The following ATG4D variants were observed in gnomAD, a reference collection of about 807,000 sequenced individuals.
The protein encoded by ATG4D is cysteine protease ATG4D.
A neutral mutation model predicts 55.2 loss-of-function variants in ATG4D; 51 were observed. The observed-to-expected ratio is 0.92, with a 90% CI of 0.74 to 1.17. The LOEUF (loss-of-function observed/expected upper bound fraction) is 1.17, where lower values mean the gene tolerates loss of function less well. ATG4D is among the 50% of genes most tolerant of loss of function. ATG4D has a pLI of 0.00. For synonymous variants in ATG4D, 268 were observed against 266.2 expected (o/e 1.01, Z -0.07); for missense variants, 635 against 649.6 (o/e 0.98, Z 0.25).
Position 10,545,077 on chromosome 19 carries a change from G to A in ATG4D, c.440G>A (p.Arg147His), listed in dbSNP as rs149332891. Reference sequence around the variant, plus strand: ...GACTGTGGCTGGGGGTGCATGTTACGCAGCGGCCAGATGATGCTGGCACAG... The same window carrying A: ...GACTGTGGCTGGGGGTGCATGTTACACAGCGGCCAGATGATGCTGGCACAG... ...TSDCGWGCML[R>H]SGQMMLAQGL... is the part of the protein sequence containing the mutation. Residue 147 changes from arginine (R) to histidine (H), a missense_variant, in exon 3 of 10, where the codon CGC becomes CAC. Transcript: ENST00000309469. The A allele has an allele frequency of 3.7e-6, 6 of 1,612,860 alleles. No homozygotes were observed. Among genetic ancestry groups the A allele is most frequent in the African/African-American group, 1.3e-5 (1 of 74,944 alleles).
At chr19:10,544,570 G>C in intron 1 of ATG4D, 1 of 1,091,380 alleles carries the variant, frequency 9.2e-7, no homozygotes. Flanking sequence ...TCTGTAAAAT[G>C]GGTACAATAA....
At position 10,552,188 on chromosome 19, in the gene ATG4D, T is replaced by C. The variant is rs374913540; in HGVS notation, c.1123-17T>C. 3 of 1,611,244 alleles carry C rather than the reference T, an allele frequency of 1.9e-6. No homozygotes were observed. The African/African-American group carries it at 4.0e-5, about 22-fold the overall frequency. On this transcript the variant is annotated splice_polypyrimidine_tract_variant and intron_variant, in intron 8 of 9. Transcript: ENST00000309469. The stretch of plus-strand genomic sequence containing the variant: ...GGGCAGCCCAGCCTCTGAGCCTTCC[T>C]CGTCTGTCTGCCCCAGTCCTTCCAC...
Position 10,547,067 on chromosome 19 carries a change from A to G in ATG4D, c.722A>G (p.Lys241Arg). The G allele has an allele frequency of 6.3e-7, 1 of 1,592,464 alleles. No individual in the cohort carries two copies. The highest frequency in any genetic ancestry group is 1.1e-5 in the South Asian group (1 of 88,450). Residue 241 changes from lysine (K) to arginine (R), a missense_variant, in exon 4 of 10, where the codon AAG becomes AGG. Coordinates refer to ENST00000309469, the MANE Select transcript of ATG4D (RefSeq NM_032885.6). Reference sequence around the variant, plus strand: ...GTGGAGCTTGGGCAGAGCTCAGGCAAGAAGGCAGGTGACTGGTATGGGCCA... The same window carrying G: ...GTGGAGCTTGGGCAGAGCTCAGGCAGGAAGGCAGGTGACTGGTATGGGCCA... ...RLVELGQSSGKKAGDWYGPSL... is the reference protein window; with the variant it reads ...RLVELGQSSGRKAGDWYGPSL...
At position 10,553,370 on chromosome 19, in the gene ATG4D, C is replaced by A; in HGVS notation, c.*303C>A. On this transcript the variant is annotated 3_prime_UTR_variant, in exon 10 of 10. Transcript: ENST00000309469. ...CCGGGCCCTCCCTGTCCCAAAGCCC[C>A]CTTGGGGGAACTGTGGCTGCTGGGG... 3.3e-6 allele frequency: 1 copy of A among 306,932 alleles called. No individual in the cohort carries two copies. Among genetic ancestry groups the A allele is most frequent in the East Asian group, 5.6e-5 (1 of 17,940 alleles). 19.0% of individuals were successfully genotyped at this position (306,932 alleles called of 1,614,324 possible).
In ATG4D at chr19:10,552,938, G is replaced by A. The variant is rs148727589; in HGVS notation, c.1296G>A (p.Glu432=). The A allele has an allele frequency of 1.2e-6, 2 of 1,613,662 alleles. No homozygotes were observed. The part of the protein sequence containing the change: ...TERYPMFTLA[E]GHAQDHSLDD... ...GGTACCCCATGTTCACCCTGGCCGA[G>A]GGCCATGCTCAGGACCACAGCCTGG... Residue 432 remains glutamate, a synonymous_variant, in exon 10 of 10, where the codon GAG becomes GAA. Coordinates refer to ENST00000309469, the MANE Select transcript of ATG4D (RefSeq NM_032885.6).
intron 1 of ATG4D, 150 bp from the exon 2 acceptor site, chr19:10,544,633 C>T: frequency 6.9e-7 from 1 of 1,439,654 alleles, no homozygotes; most frequent in South Asian, 1.4e-5. Flanking sequence ...CTGTAGCTGT[C>T]ACTGGGGGCC....
chr19:10,548,003 A>ATTTTT (rs60924749), intron 5 of ATG4D, among the ~76,000 whole-genome samples: 3 of 35,000 alleles, frequency 8.6e-5, no homozygotes, highest in African/African-American at 1.1e-4. Context: ...AGCCCCTGTA[A>ATTTTT]TTTTTTTTTT....
chr19:10,545,583 T>TA (rs917200347), intron 3 of ATG4D, among the ~76,000 whole-genome samples: 1 of 129,736 alleles, frequency 7.7e-6, no homozygotes, highest in Admixed American at 8.1e-5. Context: ...AAAATAAAAA[T>TA]AAAAAAAAGT....
Position 10,544,787 on chromosome 19 carries a change from G to C in ATG4D, c.240G>C (p.Trp80Cys). ...GCTGCCCCTACGTCTCCCCAGGTTG[G>C]GTGGTTAAAAGCCGGACCAGCTTTA... ...LTAWNNVKYG[W>C]VVKSRTSFSK... is the part of the protein sequence containing the mutation. The change falls in exon 2 of 10, where the codon TGG becomes TGC. Residue 80 changes from tryptophan (W) to cysteine (C), a missense_variant. Coordinates refer to ENST00000309469, the MANE Select transcript of ATG4D (RefSeq NM_032885.6). 6.2e-7 allele frequency: 1 copy of C among 1,614,078 alleles called. No homozygotes were observed. Among genetic ancestry groups the C allele is most frequent in the Non-Finnish European group, 8.5e-7 (1 of 1,180,020 alleles).
Position 10,553,304 on chromosome 19 carries a change from C to A in ATG4D, c.*237C>A, listed in dbSNP as rs891178440. 2 of 520,614 alleles carry A rather than the reference C, an allele frequency of 3.8e-6. No individual in the cohort carries two copies. Among genetic ancestry groups the A allele is most frequent in the Admixed American group, 6.4e-5 (2 of 31,446 alleles). 32.2% of individuals were successfully genotyped at this position (520,614 alleles called of 1,614,324 possible). A position where few individuals can be genotyped will look rare whatever the true frequency, so the allele number is the denominator to read the frequency against. On this transcript the variant is annotated 3_prime_UTR_variant, in exon 10 of 10. Transcript: ENST00000309469. ...AGGGAAGGAGGACCCCGGGCACCCC[C>A]CTCAGGGCCTGACTCACGTACTGTA...
Position 10,549,019 on chromosome 19 carries a change from T to G in ATG4D, c.951T>G (p.Tyr317Ter), listed in dbSNP as rs770295075. 10 of 1,614,116 alleles carry G rather than the reference T, an allele frequency of 6.2e-6. No individual in the cohort carries two copies. Among genetic ancestry groups the G allele is most frequent in the Non-Finnish European group, 7.6e-6 (9 of 1,180,030 alleles). ...RLGGETLNPV[Y>*]VPCVKELLRC... Reference sequence around the variant, plus strand: ...GTGGCGAGACTCTCAACCCCGTGTATGTGCCCTGCGTGAAGGTAGGTTCAG... The same window carrying G: ...GTGGCGAGACTCTCAACCCCGTGTAGGTGCCCTGCGTGAAGGTAGGTTCAG... The change falls in exon 6 of 10, where the codon TAT becomes TAG. Residue 317 changes from tyrosine (Y) to a stop codon, truncating the protein, a stop_gained. Transcript: ENST00000309469. LOFTEE classifies it high-confidence loss of function.
chr19:10,546,566 C>T lies in ATG4D; in HGVS notation c.494-273C>T, dbSNP rs1247023729. On this transcript the variant is annotated intron_variant, in intron 3 of 9. Coordinates refer to ENST00000309469, the MANE Select transcript of ATG4D (RefSeq NM_032885.6). ...AAGGGGTTTCACCATGTTGGCCAGG[C>T]TGGTCTCGAACTCCAGGCCTCAAGT... Among the ~76,000 whole-genome samples the T allele has an allele frequency of 2.6e-5, 4 of 151,690 alleles. No homozygotes were observed. In the East Asian group the frequency reaches 7.7e-4, roughly 29 times the overall value.
At position 10,546,956 on chromosome 19, in the gene ATG4D, C is replaced by CA. The variant is rs1491448500; in HGVS notation, c.611_612insA (p.Glu205Ter). On this transcript the variant is annotated frameshift_variant, in exon 4 of 10. Coordinates refer to ENST00000309469, the MANE Select transcript of ATG4D (RefSeq NM_032885.6). LOFTEE classifies it high-confidence loss of function. ...CCCCCACGCTGGGCCCAGGGTGCCC[C>CA]TGAGCTGGAGCAGGAACGCCGGCAC... is the stretch of plus-strand genomic sequence containing the variant. 1 of 1,610,896 alleles carries CA rather than the reference C, an allele frequency of 6.2e-7. No homozygotes were observed. Among genetic ancestry groups the CA allele is most frequent in the Non-Finnish European group, 8.5e-7 (1 of 1,179,050 alleles).
intron 6 of ATG4D, among the ~76,000 whole-genome samples, chr19:10,550,089 C>T (rs992282121): frequency 2.6e-5 from 4 of 151,810 alleles, no homozygotes; most frequent in Non-Finnish European, 5.9e-5. Context: ...CTCACTGCAA[C>T]CTCCGCTTCC....
intron 3 of ATG4D, among the ~76,000 whole-genome samples, 158 bp from the exon 4 acceptor site, chr19:10,546,681 T>A (rs570217365): frequency 2.0e-5 from 3 of 152,054 alleles, no homozygotes; most frequent in East Asian, 1.9e-4. Flanking sequence ...TAACAAAAAA[T>A]AAATAAATAA....
At position 10,544,315 on chromosome 19, in the gene ATG4D, C is replaced by T. The variant is rs1229079690; in HGVS notation, c.225C>T (p.Asn75=). ...FKAKFLTAWN[N]VKYGWVVKSR... The stretch of plus-strand genomic sequence containing the variant: ...CCAAGTTCCTGACAGCCTGGAACAA[C>T]GTCAAGTACGGTGAGGAGGGGGCCC... The change falls in exon 1 of 10, where the codon AAC becomes AAT. Residue 75 remains asparagine, a synonymous_variant. Transcript: ENST00000309469. The T allele has an allele frequency of 9.9e-6, 13 of 1,314,288 alleles. No homozygotes were observed. The South Asian group carries it at 1.7e-4, about 17-fold the overall frequency. The allele number at this position is 1,314,288 out of a possible 1,614,324, so 81.4% of individuals were successfully genotyped here.
At position 10,552,234 on chromosome 19, in the gene ATG4D, G is replaced by A. The variant is rs1916284544; in HGVS notation, c.1152G>A (p.Met384Ile). ...TCCACTGCACCTCGCCCCGCAAGAT[G>A]GCCTTTGCCAAGATGGACCCAAGCT... ...ESFHCTSPRK[M>I]AFAKMDPSCT... The change falls in exon 9 of 10, where the codon ATG (methionine) becomes ATA (isoleucine). Residue 384 changes from methionine (M) to isoleucine (I), a missense_variant. Coordinates refer to ENST00000309469, the MANE Select transcript of ATG4D (RefSeq NM_032885.6). 3.1e-6 allele frequency: 5 copies of A among 1,613,322 alleles called. No individual in the cohort carries two copies. The highest frequency in any genetic ancestry group is 1.6e-4 in the Middle Eastern group (1 of 6,084).
In ATG4D at chr19:10,543,989, T is replaced by C. The variant is rs1461836835; in HGVS notation, c.-102T>C. ...CGGTACCCTGGGGACGGGGGCCGAG[T>C]AGCGCCTTCCCCGGGCCCCGTGAAC... On this transcript the variant is annotated 5_prime_UTR_variant, in exon 1 of 10. The change abolishes the stop of an existing upstream ORF in the 5' untranslated region. Transcript: ENST00000309469. 4.0e-6 allele frequency: 3 copies of C among 747,666 alleles called. No homozygotes were observed. 46.3% of individuals were successfully genotyped at this position (747,666 alleles called of 1,614,324 possible).
At position 10,544,063 on chromosome 19, in the gene ATG4D, G is replaced by T; in HGVS notation, c.-28G>T. The stretch of plus-strand genomic sequence containing the variant: ...GCAGCGGCCGCAGCCCCCCACCTGG[G>T]CCCTCGGTCCGCCCTCCCGGCGCGT... On this transcript the variant is annotated 5_prime_UTR_variant, in exon 1 of 10. Coordinates refer to ENST00000309469, the MANE Select transcript of ATG4D (RefSeq NM_032885.6). The T allele has an allele frequency of 8.1e-7, 1 of 1,228,052 alleles. No homozygotes were observed. The highest frequency in any genetic ancestry group is 1.0e-6 in the Non-Finnish European group (1 of 980,904). 76.1% of individuals were successfully genotyped at this position (1,228,052 alleles called of 1,614,324 possible).
Sources: gnomAD v4.1 joint callset for allele counts (sites outside exome capture counted in the v4.1 genomes callset) on GRCh38, gnomAD v4.1.1 for gene constraint, MANE v1.5 for transcripts, NCBI Gene and HGNC (gene_info 2026-07-23, HGNC 2026-07-21) for gene names.